Variants in PRDM10 observed in about 807,000 individuals in gnomAD.
PRDM10 encodes the protein PR/SET domain 10.
A neutral mutation model predicts 133.1 loss-of-function variants in PRDM10; 65 were observed. The ratio of observed to expected loss-of-function variants is 0.49; its 90% CI spans 0.40 to 0.60. PRDM10 has a LOEUF of 0.60. PRDM10 is among the 20% of genes least tolerant of loss of function. The pLI is 0.00. For missense variants in PRDM10, 1,137 were observed against 1,507.1 expected, an observed-to-expected ratio of 0.75 and a Z score of 4.07; for synonymous variants, 582 against 580.4, an observed-to-expected ratio of 1.00 and a Z score of -0.04.
chr11:129,988,411 G>A (rs1938541874), intron 1 of PRDM10, among the ~76,000 whole-genome samples: 1 of 151,996 alleles, frequency 6.6e-6, no homozygotes, highest in Admixed American at 6.6e-5. Context: ...TTTATATTGT[G>A]GGTAGAGACG....
intron 1 of PRDM10, among the ~76,000 whole-genome samples, chr11:129,987,312 T>C (rs556300373): frequency 6.6e-6 from 1 of 152,342 alleles, no homozygotes; most frequent in Non-Finnish European, 1.5e-5. Flanking sequence ...CTGGTTTCTA[T>C]TATGCTTATT....
rs534472164 is a variant in PRDM10 at position 129,983,101 on chromosome 11, C to T, written c.-119+19621G>A. 1.2e-4 allele frequency among the ~76,000 whole-genome samples: 18 copies of T among 151,904 alleles called. No individual in the cohort carries two copies. The South Asian group carries it at 1.7e-3, about 14-fold the overall frequency. ...AAGTGATTCTCCTGTGTCAACCTCCCGAATAGCTGGGATTACAGGTGCGCA... is the reference window on the plus strand; with the variant it reads ...AAGTGATTCTCCTGTGTCAACCTCCTGAATAGCTGGGATTACAGGTGCGCA... On this transcript the variant is annotated intron_variant, in intron 1 of 20. Coordinates refer to ENST00000360871, the MANE Select transcript of PRDM10 (RefSeq NM_199437.2).
intron 1 of PRDM10, among the ~76,000 whole-genome samples, chr11:129,986,936 G>A (rs577280657): frequency 6.6e-6 from 1 of 152,192 alleles, no homozygotes; most frequent in African/African-American, 2.4e-5. Context: ...TCATTGTTGT[G>A]GTTTTTGTAT....
Position 129,902,238 on chromosome 11 carries a change from C to G in PRDM10, c.*75G>C. ...GTGAATAATAAATCTTACAAAAGAG[C>G]TCTACGTGTCAGAGCTTTCAGACTT... On this transcript the variant is annotated 3_prime_UTR_variant, in exon 21 of 21. Transcript: ENST00000360871. 6.6e-7 allele frequency: 1 copy of G among 1,504,964 alleles called. No homozygotes were observed. The highest frequency in any genetic ancestry group is 9.0e-7 in the Non-Finnish European group (1 of 1,107,120). The allele number at this position is 1,504,964 out of a possible 1,614,324, so 93.2% of individuals were successfully genotyped here.
At position 129,947,399 on chromosome 11, in the gene PRDM10, G is replaced by A; in HGVS notation, c.295-29C>T. 1 of 1,613,668 alleles carries A rather than the reference G, an allele frequency of 6.2e-7. No homozygotes were observed. The highest frequency in any genetic ancestry group is 8.5e-7 in the Non-Finnish European group (1 of 1,179,578). On this transcript the variant is annotated intron_variant, in intron 4 of 20. Transcript: ENST00000360871. This position sits in a 1 kb window ranked among gnomAD's most constrained non-coding sequence, Gnocchi z 4.6. ...GGCAAAAGTTGAAGGCACAGAGTAAGCAGACATGGACACCTGCTTTTGGTT... is the reference window on the plus strand; with the variant it reads ...GGCAAAAGTTGAAGGCACAGAGTAAACAGACATGGACACCTGCTTTTGGTT...
chr11:129,937,562 TC>T, intron 8 of PRDM10, 35 bp downstream of exon 8: 1 of 1,580,314 alleles, frequency 6.3e-7, no homozygotes, highest in East Asian at 2.2e-5. Flanking sequence ...AATTTAGAAT[TC>T]ATATAGAAAA....
At chr11:129,985,793 AAAAAAAAAAAAAAAAAATAT>A (rs1565511993) in intron 1 of PRDM10, among the ~76,000 whole-genome samples, 2 of 121,170 alleles carry the variant, frequency 1.7e-5, no homozygotes, top group East Asian at 2.9e-4. Flanking sequence ...AAAAAAAAAA[AAAAAAAAAAAAAAAAAATAT>A]ATATATATAT....
chr11:129,925,191 G>A lies in PRDM10; in HGVS notation c.1569C>T (p.Phe523=), dbSNP rs984725026. The A allele has an allele frequency of 6.2e-7, 1 of 1,613,372 alleles. No individual in the cohort carries two copies. The highest frequency in any genetic ancestry group is 1.3e-5 in the African/African-American group (1 of 74,900). Residue 523 remains phenylalanine (F), a synonymous_variant, in exon 12 of 21, where the codon TTC becomes TTT. Transcript: ENST00000360871. Reference sequence around the variant, plus strand: ...CACACTGCAAGCATTTAAAAGGCCGGAAGGACTTCCGAATAAACAGATGCT... The same window carrying A: ...CACACTGCAAGCATTTAAAAGGCCGAAAGGACTTCCGAATAAACAGATGCT... ...ALQHLFIRKS[F]RPFKCLQCGK...
intron 1 of PRDM10, among the ~76,000 whole-genome samples, chr11:129,965,284 C>A (rs575544113): frequency 6.6e-6 from 1 of 152,230 alleles, no homozygotes; most frequent in South Asian, 2.1e-4. Flanking sequence ...TCTAACAATA[C>A]ATTCCCTGTA....
intron 1 of PRDM10, among the ~76,000 whole-genome samples, chr11:129,989,663 G>C (rs1369197544): frequency 6.6e-6 from 1 of 152,162 alleles, no homozygotes; most frequent in Non-Finnish European, 1.5e-5. Context: ...TTAATGTATA[G>C]AGGCACAATC....
intron 6 of PRDM10, among the ~76,000 whole-genome samples, chr11:129,944,442 G>A (rs1301941186): frequency 5.3e-5 from 8 of 152,024 alleles, no homozygotes; most frequent in East Asian, 1.9e-4. Context: ...GAAATTAGCC[G>A]GGCGTGGTGG....
intron 1 of PRDM10, among the ~76,000 whole-genome samples, chr11:129,963,661 A>G (rs1402821094): frequency 2.0e-5 from 3 of 151,966 alleles, no homozygotes. Context: ...GAACCATTTG[A>G]GAGTAAGTTG....
intron 1 of PRDM10, among the ~76,000 whole-genome samples, chr11:129,971,885 C>T (rs977667278): frequency 1.7e-4 from 26 of 152,204 alleles, no homozygotes; most frequent in Non-Finnish European, 3.2e-4. Flanking sequence ...GAGCAGGGGG[C>T]GGCGCTCGTC....
intron 11 of PRDM10, among the ~76,000 whole-genome samples, chr11:129,929,109 T>C (rs1950771803): frequency 6.6e-6 from 1 of 152,242 alleles, no homozygotes; most frequent in African/African-American, 2.4e-5. Flanking sequence ...GTACCTAGCA[T>C]AGTGCCAAAT....
At chr11:129,915,966 A>G (rs1397010860) in intron 15 of PRDM10, 106 bp from the exon 16 acceptor site, 3 of 1,070,032 alleles carry the variant, frequency 2.8e-6, no homozygotes, top group African/African-American at 3.2e-5. Context: ...GTATTCATGT[A>G]GCCCCAAATA....
chr11:129,980,706 T>A (rs914097115), intron 1 of PRDM10, among the ~76,000 whole-genome samples: 1 of 152,250 alleles, frequency 6.6e-6, no homozygotes, highest in East Asian at 1.9e-4. Flanking sequence ...TGAAACATTA[T>A]GCTAAGTGAA....
chr11:129,956,461 G>A (rs978524234), intron 3 of PRDM10, among the ~76,000 whole-genome samples: 1 of 152,158 alleles, frequency 6.6e-6, no homozygotes, highest in African/African-American at 2.4e-5. Context: ...TTGCTTGGGA[G>A]GCTGAGACAG....
chr11:129,924,542 C>A (rs867349997), intron 12 of PRDM10, among the ~76,000 whole-genome samples: 2 of 152,158 alleles, frequency 1.3e-5, no homozygotes, highest in African/African-American at 4.8e-5. Context: ...TGTTCCCAGC[C>A]CCTCAGAAAC....
At chr11:129,986,878 T>C (rs1050679555) in intron 1 of PRDM10, among the ~76,000 whole-genome samples, 10 of 152,332 alleles carry the variant, frequency 6.6e-5, no homozygotes, top group African/African-American at 2.4e-4. Flanking sequence ...TGAAGTACAC[T>C]GTGCAAATGA....
Sources: gnomAD v4.1 joint callset for allele counts (sites outside exome capture counted in the v4.1 genomes callset) on GRCh38, gnomAD v4.1.1 for gene constraint, Gnocchi (gnomAD v3.1) non-coding constraint, MANE v1.5 for transcripts, NCBI Gene and HGNC (gene_info 2026-07-23, HGNC 2026-07-21) for gene names.